The following NOX5 variants were observed in gnomAD, a reference collection of about 807,000 sequenced individuals.
NOX5 encodes the protein NADPH oxidase 5, also known as NADPH oxidase, EF-hand calcium binding domain 5.
In NOX5, 76 loss-of-function variants were observed where a neutral mutation model predicts 85.7. That is an observed-to-expected ratio of 0.89 (90% confidence interval 0.74 to 1.07). NOX5 has a LOEUF of 1.07. NOX5 is among the 50% of genes least tolerant of loss of function. NOX5 has a pLI of 0.00. For missense variants in NOX5, 973 were observed against 999.5 expected, an observed-to-expected ratio of 0.97 and a Z score of 0.36; for synonymous variants, 405 against 401.4, an observed-to-expected ratio of 1.01 and a Z score of -0.11.
intron 10 of NOX5, 33 bp from the exon 11 acceptor site, chr15:69,046,789 A>G (rs1244760365): frequency 1.2e-6 from 2 of 1,606,146 alleles, no homozygotes; most frequent in East Asian, 2.2e-5. Context: ...TGTCCATTCC[A>G]AGACCCATAA....
In NOX5 at chr15:69,049,077, C is replaced by G. The variant is rs2050713751; in HGVS notation, c.1999+19C>G. 2 of 1,578,902 alleles carry G rather than the reference C, an allele frequency of 1.3e-6. No homozygotes were observed. Among genetic ancestry groups the G allele is most frequent in the Non-Finnish European group, 1.7e-6 (2 of 1,152,806 alleles). Reference sequence around the variant, plus strand: ...CAATACGGTAAGAGAGGGACAGGGCCTGAGGGCAGTAGGAGTAGGGCAGGG... The same window carrying G: ...CAATACGGTAAGAGAGGGACAGGGCGTGAGGGCAGTAGGAGTAGGGCAGGG... On this transcript the variant is annotated intron_variant, in intron 14 of 15. Transcript: ENST00000388866.
chr15:69,047,926 C>T lies in NOX5; in HGVS notation c.1899+15C>T. On this transcript the variant is annotated intron_variant, in intron 13 of 15. Transcript: ENST00000388866. ...AGCTCCATAAGGTGAGTACCACCTC[C>T]TGCAGGCAGGCCTCCAGACCTTCTC... 6.2e-7 allele frequency: 1 copy of T among 1,612,126 alleles called. No homozygotes were observed. The highest frequency in any genetic ancestry group is 8.5e-7 in the Non-Finnish European group (1 of 1,178,140).
At chr15:69,017,773 T>TAC (rs1491161513) in intron 1 of NOX5, among the ~76,000 whole-genome samples, 6 of 148,282 alleles carry the variant, frequency 4.0e-5, no homozygotes, top group African/African-American at 1.6e-4. Context: ...TGATATATTT[T>TAC]ATACACACAC....
chr15:69,044,180 A>G (rs946854706), intron 10 of NOX5, among the ~76,000 whole-genome samples: 2 of 151,650 alleles, frequency 1.3e-5, no homozygotes, highest in African/African-American at 4.9e-5. Flanking sequence ...TGAGGCTCCA[A>G]CTAAAAAAAA....
Position 69,045,576 on chromosome 15 carries a change from T to TCTTTCTTTCTTCC in NOX5, c.1648-1238_1648-1237insCTTCCCTTTCTTT, listed in dbSNP as rs1300692792. Among the ~76,000 whole-genome samples the TCTTTCTTTCTTCC allele has an allele frequency of 2.6e-3, 334 of 129,082 alleles. 5 individuals carry two copies. Among genetic ancestry groups the TCTTTCTTTCTTCC allele is most frequent in the Non-Finnish European group, 2.9e-3 (174 of 59,998 alleles). 84.7% of individuals were successfully genotyped at this position (129,082 alleles called of 152,430 possible). ...TCTTTCTTTCTTTCTTTCTTCCCTT[T>TCTTTCTTTCTTCC]CTTTCTTTTCTTTCTTTCTTTCTTT... On this transcript the variant is annotated intron_variant, in intron 10 of 15. Coordinates refer to ENST00000388866, the MANE Select transcript of NOX5 (RefSeq NM_024505.4).
In NOX5 at chr15:69,060,479, A is replaced by C. The variant is rs1359053636; in HGVS notation, c.*3783A>C. 3.9e-5 allele frequency: 6 copies of C among 152,246 alleles called. No homozygotes were observed. Among genetic ancestry groups the C allele is most frequent in the Non-Finnish European group, 8.8e-5 (6 of 68,050 alleles). 9.4% of individuals were successfully genotyped at this position (152,246 alleles called of 1,614,324 possible). ...CTCACTTTCTTATTATAAAGTGAAC[A>C]GATCAAGTATGTATGCGTTTAAGCA... On this transcript the variant is annotated 3_prime_UTR_variant, in exon 16 of 16. Transcript: ENST00000388866.
intron 4 of NOX5, 77 bp from the exon 5 acceptor site, chr15:69,032,966 A>C: frequency 1.3e-6 from 2 of 1,506,608 alleles, no homozygotes; most frequent in Non-Finnish European, 1.7e-6. Flanking sequence ...CCATAGCTTG[A>C]AGGGGGTCTT....
Position 69,037,225 on chromosome 15 carries a change from G to C in NOX5, c.1371+15G>C. On this transcript the variant is annotated intron_variant, in intron 8 of 15. Transcript: ENST00000388866. ...TCCCCTCCAAGGTACAAAGGTGGGG[G>C]ATGGGGAGGTGCTTTTCCAACTCAC... 6 of 1,608,038 alleles carry C rather than the reference G, an allele frequency of 3.7e-6. No individual in the cohort carries two copies. The highest frequency in any genetic ancestry group is 5.1e-6 in the Non-Finnish European group (6 of 1,176,840).
In NOX5 at chr15:69,035,765, G is replaced by A; in HGVS notation, c.1017G>A (p.Gln339=). 6.2e-7 allele frequency: 1 copy of A among 1,613,966 alleles called. No individual in the cohort carries two copies. The highest frequency in any genetic ancestry group is 8.5e-7 in the Non-Finnish European group (1 of 1,179,942). ...TVAHTVNFVL[Q]AQAEASPFQF... ...TTCTGAGCTTGTTTCCAGTACTCCA[G>A]GCTCAGGCGGAGGCCAGCCCTTTCC... is the stretch of plus-strand genomic sequence containing the variant. The change falls in exon 7 of 16, where the codon CAG becomes CAA. Residue 339 remains glutamine (Q), a synonymous_variant. Transcript: ENST00000388866.
intron 3 of NOX5, chr15:69,030,076 T>A (rs1239443984): frequency 1.3e-5 from 2 of 152,228 alleles, no homozygotes; most frequent in Non-Finnish European, 2.9e-5. Context: ...TATACTCCAC[T>A]GTATGTATCA....
chr15:69,039,084 A>G (rs1595781668), intron 9 of NOX5, 95 bp downstream of exon 9: 23 of 1,383,182 alleles, frequency 1.7e-5, no homozygotes, highest in Non-Finnish European at 2.2e-5. Flanking sequence ...AGCACTGAAC[A>G]AGGCCAGAAA....
intron 7 of NOX5, 106 bp downstream of exon 7, chr15:69,036,042 G>A: frequency 1.4e-6 from 2 of 1,458,810 alleles, no homozygotes; most frequent in Non-Finnish European, 9.3e-7. Flanking sequence ...GTCCCAAGCT[G>A]GTCTGCATAT....
intron 1 of NOX5, chr15:69,024,119 T>A (rs1487761212): frequency 4.6e-5 from 7 of 153,446 alleles, no homozygotes; most frequent in African/African-American, 7.2e-5. Context: ...AACCGTGGCT[T>A]GTATGGTTAT....
At chr15:69,025,048 C>T (rs2050339559) in intron 1 of NOX5, among the ~76,000 whole-genome samples, 1 of 152,140 alleles carries the variant, frequency 6.6e-6, no homozygotes, top group South Asian at 2.1e-4. Flanking sequence ...TATAAAGTCA[C>T]TGCAAACGCT....
Position 69,047,526 on chromosome 15 carries a change from T to C in NOX5, c.1806T>C (p.Ser602=), listed in dbSNP as rs777634126. ...GITPFASILQ[S]IMYRHQKRKH... The stretch of plus-strand genomic sequence containing the variant: ...CCCCCTTTGCTTCCATTCTGCAGAG[T>C]ATCATGTACAGGTGGGTGAACAGTG... The change falls in exon 12 of 16, where the codon AGT becomes AGC. Residue 602 remains serine (S), a synonymous_variant. Coordinates refer to ENST00000388866, the MANE Select transcript of NOX5 (RefSeq NM_024505.4). 1 of 1,613,554 alleles carries C rather than the reference T, an allele frequency of 6.2e-7. No homozygotes were observed. The highest frequency in any genetic ancestry group is 2.2e-5 in the East Asian group (1 of 44,846).
chr15:69,026,618 G>T lies in NOX5; in HGVS notation c.141G>T (p.Leu47=). 1 of 1,614,204 alleles carries T rather than the reference G, an allele frequency of 6.2e-7. No individual in the cohort carries two copies. Among genetic ancestry groups the T allele is most frequent in the Non-Finnish European group, 8.5e-7 (1 of 1,180,026 alleles). The change falls in exon 2 of 16, where the codon CTG becomes CTT. Residue 47 remains leucine, a synonymous_variant. Transcript: ENST00000388866. ...TIAGEDGEIS[L]QEFKAALHVK... ...CAGGAGAAGATGGGGAGATCAGCCT[G>T]CAAGAATTCAAAGCAGCTCTGCATG...
Position 69,056,840 on chromosome 15 carries a change from G to A in NOX5, c.*144G>A. On this transcript the variant is annotated 3_prime_UTR_variant, in exon 16 of 16. Transcript: ENST00000388866. Reference sequence around the variant, plus strand: ...ACCCCCTAATCCTGCTCAACAGAGAGAACAGGAGACCCCAAGGGGCAGATG... The same window carrying A: ...ACCCCCTAATCCTGCTCAACAGAGAAAACAGGAGACCCCAAGGGGCAGATG... The A allele has an allele frequency of 9.8e-7, 1 of 1,017,622 alleles. No homozygotes were observed. The highest frequency in any genetic ancestry group is 1.4e-6 in the Non-Finnish European group (1 of 719,746). The allele number at this position is 1,017,622 out of a possible 1,614,324, so 63.0% of individuals were successfully genotyped here. A position where few individuals can be genotyped will look rare whatever the true frequency, so the allele number is the denominator to read the frequency against.
intron 1 of NOX5, among the ~76,000 whole-genome samples, chr15:69,025,192 CT>C (rs1422736512): frequency 6.6e-6 from 1 of 152,108 alleles, no homozygotes; most frequent in Non-Finnish European, 1.5e-5. Context: ...TTAAAGACAC[CT>C]TTAAAATATG....
Position 69,031,545 on chromosome 15 carries a change from G to T in NOX5, c.353G>T (p.Gly118Val), listed in dbSNP as rs757212780. 59 of 1,611,232 alleles carry T rather than the reference G, an allele frequency of 3.7e-5. No homozygotes were observed. Among genetic ancestry groups the T allele is most frequent in the Non-Finnish European group, 4.8e-5 (57 of 1,179,710 alleles). ...DVCARQGASA[G>V]TEWGAGAGPH... ...TGTGCACGGCAGGGGGCGTCTGCAG[G>T]TACAGAGTGGGGTGCTGGGGCAGGC... Residue 118 changes from glycine (G) to valine (V), a missense_variant, in exon 4 of 16, where the codon GGT (glycine) becomes GTT (valine). Coordinates refer to ENST00000388866, the MANE Select transcript of NOX5 (RefSeq NM_024505.4).
Sources: allele counts gnomAD v4.1 joint callset (sites outside exome capture counted in the v4.1 genomes callset), GRCh38; gene constraint gnomAD v4.1.1; transcripts MANE v1.5; gene names NCBI Gene and HGNC (gene_info 2026-07-23, HGNC 2026-07-21).